The following TBCD variants were observed in gnomAD, a reference collection of about 807,000 sequenced individuals.
TBCD encodes the protein tubulin folding cofactor D, also known as tubulin-specific chaperone D.
A neutral mutation model predicts 169.3 loss-of-function variants in TBCD; 105 were observed. The observed-to-expected ratio is 0.62, with a 90% CI of 0.53 to 0.73. The LOEUF (loss-of-function observed/expected upper bound fraction) is 0.73, where lower values mean the gene tolerates loss of function less well. TBCD is among the 30% of genes least tolerant of loss of function. The pLI is 0.00. For missense variants in TBCD, 1,444 were observed against 1,600.1 expected (o/e 0.90, Z 1.66); for synonymous variants, 700 against 643.9 (o/e 1.09, Z -1.32).
intron 14 of TBCD, among the ~76,000 whole-genome samples, chr17:82,871,907 CAAGCAGCTCGTTGTGAGGCACACGCTGGT>C (rs534893728): frequency 0.024 from 3,704 of 152,172 alleles, 179 homozygotes; most frequent in African/African-American, 0.084. Context: ...CTGTGTCCGA[CAAGCAGCTCGTTGTGAGGCACACGCTGGT>C]AAGCAGCTCG....
At chr17:82,891,877 G>A (rs1413943123) in intron 16 of TBCD, among the ~76,000 whole-genome samples, 2 of 152,114 alleles carry the variant, frequency 1.3e-5, no homozygotes, top group Admixed American at 6.5e-5. Flanking sequence ...GAGCCCAGGG[G>A]CTCTTGAGCA....
chr17:82,887,168 T>TGTGTGTGTGTGTGTGTGTGTGTGCGCGC, intron 15 of TBCD, among the ~76,000 whole-genome samples: 10 of 126,192 alleles, frequency 7.9e-5, no homozygotes, highest in Non-Finnish European at 1.5e-4. Context: ...TGTGTGTGTG[T>TGTGTGTGTGTGTGTGTGTGTGTGCGCGC]GCGCGCGCGC....
intron 13 of TBCD, among the ~76,000 whole-genome samples, chr17:82,829,014 C>A (rs2053223562): frequency 6.8e-6 from 1 of 147,444 alleles, no homozygotes; most frequent in Non-Finnish European, 1.5e-5. Context: ...TGTACACACC[C>A]CCGCAGATAT....
chr17:82,775,255 C>G (rs964646624), intron 6 of TBCD, among the ~76,000 whole-genome samples: 12 of 152,212 alleles, frequency 7.9e-5, no homozygotes, highest in Admixed American at 7.2e-4. Flanking sequence ...GCGTCGGTGC[C>G]GTGGAGCCTT....
rs1005178558 is a variant in TBCD, at chr17:82,806,815, C to T, written c.1088-793C>T. On this transcript the variant is annotated intron_variant, in intron 10 of 38. Coordinates refer to ENST00000355528, the MANE Select transcript of TBCD (RefSeq NM_005993.5). The surrounding 1 kb of genome is among the most constrained non-coding windows in gnomAD (Gnocchi z 5.1). ...CCCCGAGCCAGCATCCACTCCGGCC[C>T]TTCCCTTGACCTTTGCTTCTCAGAG... Among the ~76,000 whole-genome samples, 2 of 152,232 alleles carry T rather than the reference C, an allele frequency of 1.3e-5. No homozygotes were observed. The highest frequency in any genetic ancestry group is 6.5e-5 in the Admixed American group (1 of 15,292).
chr17:82,939,176 G>C, intron 36 of TBCD, 191 bp from the exon 37 acceptor site: 1 of 619,138 alleles, frequency 1.6e-6, no homozygotes, highest in Non-Finnish European at 2.9e-6. Context: ...TGTGGAGGGA[G>C]GAGGTGGTTA....
chr17:82,871,868 C>T (rs1304714645), intron 14 of TBCD, among the ~76,000 whole-genome samples: 3 of 152,202 alleles, frequency 2.0e-5, no homozygotes, highest in South Asian at 2.1e-4. Context: ...CCTGGGTTCC[C>T]TCACGCACCC....
intron 2 of TBCD, among the ~76,000 whole-genome samples, chr17:82,759,521 A>G (rs1025228937): frequency 2.6e-5 from 4 of 152,070 alleles, no homozygotes; most frequent in Non-Finnish European, 4.4e-5. Context: ...GGTCAGGGTC[A>G]CGCTGTGTTC....
intron 11 of TBCD, among the ~76,000 whole-genome samples, chr17:82,808,184 G>T (rs528514788): frequency 6.6e-6 from 1 of 152,204 alleles, no homozygotes; most frequent in East Asian, 1.9e-4. Context: ...GTGGAGCCCT[G>T]GCCTGGAGGA....
chr17:82,820,415 T>A (rs1164470205), intron 13 of TBCD, among the ~76,000 whole-genome samples: 1 of 152,406 alleles, frequency 6.6e-6, no homozygotes, highest in East Asian at 1.9e-4. Flanking sequence ...TTTCCCTTGC[T>A]ATCCTTATTG....
At chr17:82,873,141 G>T (rs2057729165) in intron 14 of TBCD, among the ~76,000 whole-genome samples, 1 of 152,258 alleles carries the variant, frequency 6.6e-6, no homozygotes, top group Non-Finnish European at 1.5e-5. Context: ...GGCTGCAGCT[G>T]CATCTGGCCC....
chr17:82,927,767 T>G, intron 29 of TBCD, 138 bp from the exon 30 acceptor site: 1 of 715,518 alleles, frequency 1.4e-6, no homozygotes, highest in Non-Finnish European at 2.4e-6. Flanking sequence ...GCCCCGTGAC[T>G]CCCTGGCAGC....
intron 21 of TBCD, 93 bp downstream of exon 21, chr17:82,907,914 C>A: frequency 7.4e-7 from 1 of 1,344,198 alleles, no homozygotes; most frequent in Non-Finnish European, 1.0e-6. Context: ...GTCTGCAGTC[C>A]TGGTGGCCAC....
In TBCD at chr17:82,915,051, T is replaced by G. The variant is rs1239632542; in HGVS notation, c.2038+3262T>G. ...CGCAGCTGTTTCCTGATATCCTTAG[T>G]TTTAGATGTGTTCTTTCAAGTGAGA... On this transcript the variant is annotated intron_variant, in intron 23 of 38. Transcript: ENST00000355528. This position sits in a 1 kb window ranked among gnomAD's most constrained non-coding sequence, Gnocchi z 4.3. 6.6e-6 allele frequency among the ~76,000 whole-genome samples: 1 copy of G among 152,102 alleles called. No homozygotes were observed. Among genetic ancestry groups the G allele is most frequent in the Non-Finnish European group, 1.5e-5 (1 of 68,010 alleles).
chr17:82,911,705 T>C, intron 22 of TBCD, 53 bp from the exon 23 acceptor site: 1 of 1,563,720 alleles, frequency 6.4e-7, no homozygotes, highest in Non-Finnish European at 8.8e-7. Flanking sequence ...TATTTCATGG[T>C]GTTTTATACG....
intron 14 of TBCD, among the ~76,000 whole-genome samples, chr17:82,879,429 C>T (rs2058204150): frequency 1.3e-5 from 2 of 152,332 alleles, no homozygotes; most frequent in Admixed American, 6.5e-5. Flanking sequence ...TTGGAGCTGC[C>T]AGCCCACACC....
rs900538757 is a variant in TBCD, at chr17:82,890,466, C to G, written c.1563+769C>G. ...ATGGGGTGGACGTGGGCCTGCGGAC[C>G]CTTCTGACCTGTGGGGAGCCCTCCA... On this transcript the variant is annotated intron_variant, in intron 16 of 38. Coordinates refer to ENST00000355528, the MANE Select transcript of TBCD (RefSeq NM_005993.5). The surrounding 1 kb of genome is among the most constrained non-coding windows in gnomAD (Gnocchi z 5.3). 1.3e-5 allele frequency among the ~76,000 whole-genome samples: 2 copies of G among 152,042 alleles called. No homozygotes were observed. The highest frequency in any genetic ancestry group is 4.8e-5 in the African/African-American group (2 of 41,400).
chr17:82,754,840 C>CGGT (rs1568084557), intron 1 of TBCD, among the ~76,000 whole-genome samples: 1 of 152,098 alleles, frequency 6.6e-6, no homozygotes, highest in East Asian at 1.9e-4. Context: ...GAGGAGAAAG[C>CGGT]GGTGGTTCAG....
At chr17:82,790,340 T>C (rs1479942509) in intron 7 of TBCD, among the ~76,000 whole-genome samples, 1 of 152,234 alleles carries the variant, frequency 6.6e-6, no homozygotes, top group Non-Finnish European at 1.5e-5. Context: ...CCTGCTGTCC[T>C]GTGGCCTGCG....
Sources: gnomAD v4.1 joint callset for allele counts (sites outside exome capture counted in the v4.1 genomes callset) on GRCh38, gnomAD v4.1.1 for gene constraint, Gnocchi (gnomAD v3.1) non-coding constraint, MANE v1.5 for transcripts, NCBI Gene and HGNC (gene_info 2026-07-23, HGNC 2026-07-21) for gene names.